MYH10: variants seen among roughly 807,000 people sequenced by gnomAD.
The protein encoded by MYH10 is myosin-10.
MYH10 carries 55 observed loss-of-function variants against 257.8 expected under a neutral mutation model. The observed-to-expected ratio is 0.21, with a 90% CI of 0.17 to 0.27. The LOEUF is 0.27. Ranked by LOEUF, MYH10 falls within the 10% of genes least tolerant of loss-of-function variation. MYH10 has a pLI of 1.00. For synonymous variants in MYH10, 854 were observed against 921.7 expected, an observed-to-expected ratio of 0.93 and a Z score of 1.33; for missense variants, 1,631 against 2,500.6, an observed-to-expected ratio of 0.65 and a Z score of 7.42.
chr17:8,551,644 C>A (rs1014720006), intron 9 of MYH10, among the ~76,000 whole-genome samples: 1 of 152,138 alleles, frequency 6.6e-6, no homozygotes, highest in African/African-American at 2.4e-5. Flanking sequence ...CAGGCTCTTT[C>A]TAGTACTAGT....
intron 30 of MYH10, among the ~76,000 whole-genome samples, chr17:8,495,555 C>A (rs1460791146): frequency 2.0e-5 from 3 of 152,176 alleles, no homozygotes; most frequent in Non-Finnish European, 2.9e-5. Flanking sequence ...TAAAGCAAAG[C>A]CTCTGAAAGA....
At chr17:8,581,685 G>A (rs986728844) in intron 4 of MYH10, among the ~76,000 whole-genome samples, 10 of 152,156 alleles carry the variant, frequency 6.6e-5, no homozygotes, top group Admixed American at 2.0e-4. Flanking sequence ...GGGGATAATA[G>A]CTCCTAATAC....
At chr17:8,543,763 C>T (rs573505637) in intron 13 of MYH10, among the ~76,000 whole-genome samples, 2 of 152,264 alleles carry the variant, frequency 1.3e-5, no homozygotes, top group South Asian at 4.1e-4. Context: ...TGAGCCACCA[C>T]GCCCGGCCAA....
intron 7 of MYH10, among the ~76,000 whole-genome samples, chr17:8,558,504 A>G (rs1475621339): frequency 6.6e-6 from 1 of 152,222 alleles, no homozygotes; most frequent in Non-Finnish European, 1.5e-5. Flanking sequence ...ACAAACAAAA[A>G]AAAGCAAAAC....
chr17:8,503,610 T>C (rs1048594426), intron 28 of MYH10, among the ~76,000 whole-genome samples: 1 of 152,188 alleles, frequency 6.6e-6, no homozygotes, highest in Non-Finnish European at 1.5e-5. Flanking sequence ...TTCCAGCTGC[T>C]GGGTGGACCC....
intron 13 of MYH10, among the ~76,000 whole-genome samples, chr17:8,543,979 T>C (rs1038469579): frequency 6.6e-6 from 1 of 152,228 alleles, no homozygotes; most frequent in Non-Finnish European, 1.5e-5. Context: ...AGAAATATGC[T>C]ATGCATTAAG....
At chr17:8,577,140 T>A in intron 5 of MYH10, 96 bp downstream of exon 5, 1 of 906,716 alleles carries the variant, frequency 1.1e-6, no homozygotes, top group Non-Finnish European at 1.7e-6. Flanking sequence ...GAGCTGTCAG[T>A]TATAGCAGTG....
chr17:8,502,642 C>G (rs1168286944), intron 28 of MYH10, among the ~76,000 whole-genome samples: 1 of 152,122 alleles, frequency 6.6e-6, no homozygotes, highest in African/African-American at 2.4e-5. Context: ...GCAGAAGACT[C>G]ACTGTTACTT....
Position 8,502,804 on chromosome 17 carries a change from G to A in MYH10, c.3600-1834C>T, listed in dbSNP as rs545452604. Among the ~76,000 whole-genome samples the A allele has an allele frequency of 3.3e-5, 5 of 152,210 alleles. No individual in the cohort carries two copies. The East Asian group carries it at 9.6e-4, about 29-fold the overall frequency. ...ACAGGCATGGTTTTAATAAATATGC[G>A]CATTTAGTTTTTTGCAAGGGTTGGA... On this transcript the variant is annotated intron_variant, in intron 28 of 42. Coordinates refer to ENST00000360416, the MANE Select transcript of MYH10 (RefSeq NM_001256012.3).
chr17:8,580,974 T>C (rs1336436832), intron 4 of MYH10, among the ~76,000 whole-genome samples: 1 of 151,966 alleles, frequency 6.6e-6, no homozygotes, highest in Non-Finnish European at 1.5e-5. Flanking sequence ...GAAAGGCTCT[T>C]GAAAGATGAG....
At chr17:8,561,407 A>G in intron 7 of MYH10, 1 of 1,046,610 alleles carries the variant, frequency 9.6e-7, no homozygotes, top group Non-Finnish European at 1.5e-6. Flanking sequence ...AGTGTCTTCG[A>G]TGCCTATGTG....
At chr17:8,479,315 C>T (rs1003684352) in intron 40 of MYH10, among the ~76,000 whole-genome samples, 4 of 152,180 alleles carry the variant, frequency 2.6e-5, no homozygotes, top group Middle Eastern at 3.4e-3. Flanking sequence ...GCATCTACGT[C>T]GTCCCATATG....
intron 9 of MYH10, among the ~76,000 whole-genome samples, chr17:8,549,232 C>T (rs114591826): frequency 1.3e-3 from 194 of 152,224 alleles, no homozygotes; most frequent in African/African-American, 4.6e-3. Context: ...TGAAAACTAC[C>T]ATGGACATAA....
rs2081376642 is a variant in MYH10 at position 8,513,849 on chromosome 17, C to T, written c.2550G>A (p.Leu850=). Residue 850 remains leucine, a synonymous_variant, in exon 22 of 43, where the codon TTG becomes TTA. Transcript: ENST00000360416. ...KQQQLSALKV[L]QRNCAAYLKL... is the part of the protein sequence containing the mutation. ...TCAGGTACGCGGCACAGTTCCGCTGCAAGACCTTTAAGGCACTTAGTTGCT... is the reference window on the plus strand; with the variant it reads ...TCAGGTACGCGGCACAGTTCCGCTGTAAGACCTTTAAGGCACTTAGTTGCT... 1 of 1,614,118 alleles carries T rather than the reference C, an allele frequency of 6.2e-7. No individual in the cohort carries two copies. Among genetic ancestry groups the T allele is most frequent in the Non-Finnish European group, 8.5e-7 (1 of 1,180,044 alleles).
intron 16 of MYH10, among the ~76,000 whole-genome samples, chr17:8,534,603 G>T (rs2082090702): frequency 1.3e-5 from 2 of 152,112 alleles, no homozygotes; most frequent in African/African-American, 4.8e-5. Flanking sequence ...AGATTACAAG[G>T]CTTAAGATGC....
At chr17:8,491,955 T>C (rs911934878) in intron 34 of MYH10, among the ~76,000 whole-genome samples, 7 of 152,162 alleles carry the variant, frequency 4.6e-5, no homozygotes, top group Non-Finnish European at 8.8e-5. Flanking sequence ...ACTCACCTCA[T>C]GTTTGATAAC....
intron 3 of MYH10, among the ~76,000 whole-genome samples, chr17:8,597,862 C>T (rs416199): frequency 0.97 from 147,517 of 152,046 alleles, 71,731 homozygotes; most frequent in Middle Eastern, 1. Context: ...TCATGATCCA[C>T]CCGCCCCAGC....
At chr17:8,553,358 T>G (rs557928778) in intron 8 of MYH10, among the ~76,000 whole-genome samples, 1 of 152,312 alleles carries the variant, frequency 6.6e-6, no homozygotes, top group Admixed American at 6.5e-5. Flanking sequence ...ACCCGAAAAC[T>G]GTCATCTATC....
At chr17:8,614,307 CTT>C (rs35801623) in intron 2 of MYH10, among the ~76,000 whole-genome samples, 3 of 77,126 alleles carry the variant, frequency 3.9e-5, no homozygotes, top group Admixed American at 1.6e-4. Flanking sequence ...CAATTCACTT[CTT>C]TTTTTTTTTT....
Sources: allele counts gnomAD v4.1 joint callset (sites outside exome capture counted in the v4.1 genomes callset), GRCh38; gene constraint gnomAD v4.1.1; transcripts MANE v1.5; gene names NCBI Gene and HGNC (gene_info 2026-07-23, HGNC 2026-07-21).